CTNNA2: variants seen among roughly 807,000 people sequenced by gnomAD.
CTNNA2 encodes the protein catenin alpha 2, also known as catenin alpha-2.
Under a neutral mutation model 101.0 loss-of-function variants are expected in CTNNA2, and 42 were observed. The observed-to-expected ratio is 0.42, with a 90% CI of 0.32 to 0.54. CTNNA2 has a LOEUF of 0.54. CTNNA2 is among the 20% of genes least tolerant of loss of function. The probability of loss-of-function intolerance (pLI) is 0.14; values close to 1 mark genes in which losing one functional copy is unlikely to be tolerated. For missense variants in CTNNA2, 871 were observed against 1,223.1 expected (o/e 0.71, Z 4.29); for synonymous variants, 450 against 456.4 (o/e 0.99, Z 0.18).
intron 7 of CTNNA2, among the ~76,000 whole-genome samples, chr2:79,966,066 A>T (rs1690035850): frequency 6.6e-6 from 1 of 152,046 alleles, no homozygotes; most frequent in African/African-American, 2.4e-5. Flanking sequence ...AGATGCTCGT[A>T]ACCCATTCAT....
intron 3 of CTNNA2, among the ~76,000 whole-genome samples, chr2:79,373,534 G>T (rs931111517): frequency 1.3e-5 from 2 of 152,120 alleles, no homozygotes; most frequent in African/African-American, 4.8e-5. Flanking sequence ...CAAGCACTCA[G>T]TCAGTGCAGG....
intron 3 of CTNNA2, among the ~76,000 whole-genome samples, chr2:79,805,136 G>A (rs755859966): frequency 1.8e-4 from 28 of 152,126 alleles, no homozygotes; most frequent in Admixed American, 1.2e-3. Flanking sequence ...TCTTTTTGAC[G>A]ATTGTGTAAT....
intron 2 of CTNNA2, among the ~76,000 whole-genome samples, chr2:79,679,733 A>G (rs1683430196): frequency 6.6e-6 from 1 of 152,062 alleles, no homozygotes; most frequent in South Asian, 2.1e-4. Context: ...ACGTCACTGT[A>G]GGCTTGCAAA....
intron 3 of CTNNA2, among the ~76,000 whole-genome samples, chr2:79,341,842 A>T (rs991133533): frequency 6.6e-5 from 10 of 152,356 alleles, no homozygotes; most frequent in Middle Eastern, 3.4e-3. Context: ...TGCAAATGAT[A>T]TTCTGGCTAT....
chr2:80,232,324 TG>T (rs1438559444), intron 7 of CTNNA2, among the ~76,000 whole-genome samples: 13 of 73,208 alleles, frequency 1.8e-4, no homozygotes, highest in African/African-American at 1.0e-3. Context: ...ATTTGGGTTT[TG>T]TTTGTTTGTT....
Position 80,620,552 on chromosome 2 carries a change from A to C in CTNNA2, c.2574+1324A>C, listed in dbSNP as rs78698330. The stretch of plus-strand genomic sequence containing the variant: ...GATTTCAGGCCTGATAAAGAAAGGT[A>C]GGGCCATAACTGGCCAATAGGAAGA... On this transcript the variant is annotated intron_variant, in intron 18 of 18. Transcript: ENST00000402739. Among the ~76,000 whole-genome samples, 86 of 152,086 alleles carry C rather than the reference A, an allele frequency of 5.7e-4. No homozygotes were observed. The East Asian group carries it at 0.016, about 28-fold the overall frequency.
At chr2:79,926,583 C>T (rs752338155) in intron 7 of CTNNA2, among the ~76,000 whole-genome samples, 3 of 151,768 alleles carry the variant, frequency 2.0e-5, no homozygotes, top group Admixed American at 2.0e-4. Flanking sequence ...TTCTTTAACA[C>T]AAAAAGGAAA....
intron 17 of CTNNA2, among the ~76,000 whole-genome samples, chr2:80,614,909 T>G (rs917897819): frequency 2.0e-5 from 3 of 151,402 alleles, no homozygotes; most frequent in Admixed American, 1.3e-4. Flanking sequence ...TGTAAACACT[T>G]GAATTTTTCA....
intron 1 of CTNNA2, among the ~76,000 whole-genome samples, chr2:79,188,029 T>C (rs1673804029): frequency 6.6e-6 from 1 of 152,198 alleles, no homozygotes. Context: ...GAGGATATCA[T>C]AATTTCTGAG....
At chr2:79,900,919 A>G (rs1685030438) in intron 6 of CTNNA2, among the ~76,000 whole-genome samples, 1 of 152,172 alleles carries the variant, frequency 6.6e-6, no homozygotes, top group Non-Finnish European at 1.5e-5. Flanking sequence ...GTACCCCATA[A>G]ATAGATACAC....
chr2:80,646,245 T>A (rs1674075943), intron 18 of CTNNA2, among the ~76,000 whole-genome samples: 2 of 152,108 alleles, frequency 1.3e-5, no homozygotes, highest in South Asian at 4.1e-4. Context: ...GTTCATGAAG[T>A]TCATGAATTA....
At chr2:79,532,675 C>T (rs937350017) in intron 1 of CTNNA2, among the ~76,000 whole-genome samples, 1 of 152,056 alleles carries the variant, frequency 6.6e-6, no homozygotes, top group Non-Finnish European at 1.5e-5. Flanking sequence ...TAATTCTGTA[C>T]TGTCCTCTCA....
rs187542652 is a variant in CTNNA2, at chr2:79,902,666, G to A, written c.853-6928G>A. On this transcript the variant is annotated intron_variant, in intron 6 of 18. Transcript: ENST00000402739. ...TTTTGAGATGGAGTCTGGCTCTGTC[G>A]CCCAGGCTGGAGTGCAGTGGTGCGA... is the stretch of plus-strand genomic sequence containing the variant. Among the ~76,000 whole-genome samples the A allele has an allele frequency of 1.1e-3, 162 of 147,194 alleles. 2 individuals are homozygous for A. Among genetic ancestry groups the A allele is most frequent in the South Asian group, 7.7e-3 (36 of 4,652 alleles).
rs150859361 is a variant in CTNNA2 at position 80,509,622 on chromosome 2, G to GTTCA, written c.1291-35359_1291-35356dup. On this transcript the variant is annotated intron_variant, in intron 9 of 18. Transcript: ENST00000402739. ...GGTCCGTGGGTACTTGGGAAGCCAA[G>GTTCA]TTCAGCACAGTACTACCAATGAGAG... Among the ~76,000 whole-genome samples the GTTCA allele has an allele frequency of 6.3e-3, 964 of 152,254 alleles. 11 individuals carry two copies. The highest frequency in any genetic ancestry group is 0.021 in the African/African-American group (877 of 41,556).
At chr2:79,316,916 A>G (rs576289759) in intron 3 of CTNNA2, among the ~76,000 whole-genome samples, 72 of 152,074 alleles carry the variant, frequency 4.7e-4, no homozygotes, top group Non-Finnish European at 9.6e-4. Flanking sequence ...CCCTTATTAG[A>G]ACCTTCACTA....
chr2:79,819,075 G>A (rs991946107), intron 3 of CTNNA2, among the ~76,000 whole-genome samples: 3 of 150,680 alleles, frequency 2.0e-5, no homozygotes, highest in African/African-American at 7.3e-5. Flanking sequence ...TGCCTCCCAG[G>A]TTCAAGCGAT....
chr2:79,493,073 G>A (rs1183720301), intron 4 of CTNNA2, among the ~76,000 whole-genome samples: 1 of 152,104 alleles, frequency 6.6e-6, no homozygotes, highest in Non-Finnish European at 1.5e-5. Flanking sequence ...TTCACAAGGG[G>A]CATAGACAAA....
At chr2:79,195,429 A>G (rs1397684534) in intron 1 of CTNNA2, among the ~76,000 whole-genome samples, 1 of 152,110 alleles carries the variant, frequency 6.6e-6, no homozygotes, top group Non-Finnish European at 1.5e-5. Context: ...ATTTTGTCCA[A>G]CCTAAAGCTT....
At position 80,213,911 on chromosome 2, in the gene CTNNA2, A is replaced by C. The variant is rs1035787870; in HGVS notation, c.1057-179300A>C. Among the ~76,000 whole-genome samples, 7 of 152,286 alleles carry C rather than the reference A, an allele frequency of 4.6e-5. No homozygotes were observed. In the East Asian group the frequency reaches 1.4e-3, roughly 29 times the overall value. On this transcript the variant is annotated intron_variant, in intron 7 of 18. Coordinates refer to ENST00000402739, the MANE Select transcript of CTNNA2 (RefSeq NM_001282597.3). Reference sequence around the variant, plus strand: ...ATCTGGGTGCTCTAGTATTGAGTGCATATATATTTAGGATAGTTAGCTCTT... The same window carrying C: ...ATCTGGGTGCTCTAGTATTGAGTGCCTATATATTTAGGATAGTTAGCTCTT...
Sources: allele counts gnomAD v4.1 joint callset (sites outside exome capture counted in the v4.1 genomes callset), GRCh38; gene constraint gnomAD v4.1.1; transcripts MANE v1.5; gene names NCBI Gene and HGNC (gene_info 2026-07-23, HGNC 2026-07-21).